The following TTN variants were observed in gnomAD, a reference collection of about 807,000 sequenced individuals.
TTN encodes titin, also known as connectin.
A neutral mutation model predicts 3,223.0 loss-of-function variants in TTN; 1,525 were observed. The ratio of observed to expected loss-of-function variants is 0.47; its 90% CI spans 0.45 to 0.49. TTN has a LOEUF of 0.49. Ranked by LOEUF, TTN falls within the 20% of genes least tolerant of loss-of-function variation. The pLI, the probability that TTN is intolerant of heterozygous loss-of-function variation, is 0.00. For synonymous variants in TTN, 14,094 were observed against 15,161.0 expected (o/e 0.93, Z 5.17); for missense variants, 40,786 against 43,424.0 (o/e 0.94, Z 5.40).
chr2:178,584,831 G>C lies in TTN; in HGVS notation c.64810C>G (p.Arg21604Gly), dbSNP rs767011515. 2 of 1,613,330 alleles carry C rather than the reference G, an allele frequency of 1.2e-6. No individual in the cohort carries two copies. Among genetic ancestry groups the C allele is most frequent in the Non-Finnish European group, 1.7e-6 (2 of 1,179,530 alleles). ...NYIVEKCDVSRGDWVTALASV... is the reference protein window; with the variant it reads ...NYIVEKCDVSGGDWVTALASV... ...GCTAGAGCCGTGACCCAGTCACCTC[G>C]GCTTACATCACACTTCTCCACTATA... The change falls in exon 310 of 363, where the codon CGA (arginine) becomes GGA (glycine). Residue 21604 changes from arginine to glycine, a missense_variant. Physicochemically the swap from Arg to Gly is moderately radical, Grantham distance 125 (BLOSUM62 -2). Transcript: ENST00000589042.
Position 178,565,203 on chromosome 2 carries a change from C to A in TTN, c.80929G>T (p.Val26977Phe). The A allele has an allele frequency of 6.2e-7, 1 of 1,613,542 alleles. No individual in the cohort carries two copies. The highest frequency in any genetic ancestry group is 8.5e-7 in the Non-Finnish European group (1 of 1,179,668). The change falls in exon 326 of 363, where the codon GTT (valine) becomes TTT (phenylalanine). Residue 26977 changes from valine to phenylalanine, a missense_variant. Coordinates refer to ENST00000589042, the MANE Select transcript of TTN (RefSeq NM_001267550.2). ...VIVLEKPGPPVGPVRFDEVSA... is the reference protein window; with the variant it reads ...VIVLEKPGPPFGPVRFDEVSA... ...ACTTCATCAAACCGAACTGGGCCAA[C>A]TGGAGGTCCAGGCTTTTCTAAAACG...
rs767067804 is a variant in TTN, at chr2:178,593,965, A to G, written c.58428T>C (p.Val19476=). ...GSRKGFCQVN[V]VDRPGPPVGP... The stretch of plus-strand genomic sequence containing the variant: ...TTTCCACTAAATAAGACTTACCAAC[A>G]ACATTAACTTGACAGAAACCTTTCC... The change falls in exon 297 of 363, where the codon GTT becomes GTC. Residue 19476 remains valine (V), a synonymous_variant. Coordinates refer to ENST00000589042, the MANE Select transcript of TTN (RefSeq NM_001267550.2). 4 of 1,613,184 alleles carry G rather than the reference A, an allele frequency of 2.5e-6. No individual in the cohort carries two copies. The African/African-American group carries it at 4.0e-5, about 16-fold the overall frequency.
At chr2:178,699,723 A>ATTTT (rs58607203) in intron 111 of TTN, among the ~76,000 whole-genome samples, 2 of 58,150 alleles carry the variant, frequency 3.4e-5, no homozygotes, top group African/African-American at 6.2e-5. Context: ...CTCTTTTTTA[A>ATTTT]TTTTTTTTTT....
In TTN at chr2:178,614,930, G is replaced by A; in HGVS notation, c.48677C>T (p.Ala16226Val). Residue 16226 changes from alanine to valine, a missense_variant, in exon 260 of 363, where the codon GCC (alanine) becomes GTC (valine). Physicochemically the swap from Ala to Val is moderately conservative, Grantham distance 64. Transcript: ENST00000589042. Reference protein sequence around the residue: ...VTGLEEGKWYAYRVKALNRQG... With the variant: ...VTGLEEGKWYVYRVKALNRQG... The stretch of plus-strand genomic sequence containing the variant: ...CCTGTTTAAGGCCTTCACGCGGTAG[G>A]CATACCATTTGCCTTCCTCAAGACC... 6.3e-7 allele frequency: 1 copy of A among 1,594,746 alleles called. No homozygotes were observed. The highest frequency in any genetic ancestry group is 2.3e-5 in the East Asian group (1 of 43,988).
At chr2:178,785,470 G>A (rs772381469) in intron 15 of TTN, 150 bp downstream of exon 15, 14 of 1,162,980 alleles carry the variant, frequency 1.2e-5, no homozygotes, top group Non-Finnish European at 1.6e-5. Context: ...AAATCTTTAG[G>A]GTGTCTGGGC....
rs876658047 is a variant in TTN at position 178,786,012 on chromosome 2, C to T, written c.2206G>A (p.Gly736Arg). The change falls in exon 14 of 363, where the codon GGA becomes AGA. Residue 736 changes from glycine (G) to arginine (R), a missense_variant. By Grantham distance (125) the Gly-to-Arg change is moderately radical. Coordinates refer to ENST00000589042, the MANE Select transcript of TTN (RefSeq NM_001267550.2). Reference sequence around the variant, plus strand: ...GCGGCGGAAATGCGTTCCTTATATCCGTACTCCAAAGTGGTCTGCTGAGCA... The same window carrying T: ...GCGGCGGAAATGCGTTCCTTATATCTGTACTCCAAAGTGGTCTGCTGAGCA... ...SYAQQTTLEY[G>R]YKERISAAKV... is the part of the protein sequence containing the mutation. 1.3e-5 allele frequency: 21 copies of T among 1,613,964 alleles called. No individual in the cohort carries two copies. Among genetic ancestry groups the T allele is most frequent in the Middle Eastern group, 1.6e-4 (1 of 6,084 alleles).
In TTN at chr2:178,609,376, C is replaced by T. The variant is rs749451611; in HGVS notation, c.51934G>A (p.Glu17312Lys). The change falls in exon 273 of 363, where the codon GAA becomes AAA. Residue 17312 changes from glutamate to lysine, a missense_variant. Physicochemically the swap from Glu to Lys is moderately conservative, Grantham distance 56 (BLOSUM62 1). Coordinates refer to ENST00000589042, the MANE Select transcript of TTN (RefSeq NM_001267550.2). Reference sequence around the variant, plus strand: ...TGTGTCAGAGGCAGGACAAATGGTTCTTCTTCTTGAACTTCACCCTTCCTT... The same window carrying T: ...TGTGTCAGAGGCAGGACAAATGGTTTTTCTTCTTGAACTTCACCCTTCCTT... ...RRRKGEVQEE[E>K]PFVLPLTQRL... 5 of 1,612,168 alleles carry T rather than the reference C, an allele frequency of 3.1e-6. No homozygotes were observed. The South Asian group carries it at 4.4e-5, about 14-fold the overall frequency.
intron 15 of TTN, among the ~76,000 whole-genome samples, chr2:178,784,606 GC>G (rs1458113311): frequency 6.6e-5 from 10 of 152,124 alleles, no homozygotes; most frequent in Admixed American, 4.6e-4. Flanking sequence ...TTATTTTACA[GC>G]TTTTATCATA....
chr2:178,650,715 A>G, intron 209 of TTN, 36 bp downstream of exon 209: 1 of 1,530,370 alleles, frequency 6.5e-7, no homozygotes, highest in Non-Finnish European at 8.8e-7. Context: ...AATAGTCGCA[A>G]GTGGCAAGGT....
At position 178,563,192 on chromosome 2, in the gene TTN, C is replaced by T. The variant is rs758578228; in HGVS notation, c.82940G>A (p.Cys27647Tyr). Residue 27647 changes from cysteine (C) to tyrosine (Y), a missense_variant, in exon 326 of 363, where the codon TGT becomes TAT. Coordinates refer to ENST00000589042, the MANE Select transcript of TTN (RefSeq NM_001267550.2). The surrounding 1 kb of genome is among the most constrained non-coding windows in gnomAD (Gnocchi z 4.5). ...KENTEYNFRI[C>Y]AINSEGVGEP... ...ACCTACACCTTCAGAATTGATGGCA[C>T]AAATACGGAAGTTATATTCAGTGTT... 6.2e-7 allele frequency: 1 copy of T among 1,613,736 alleles called. No homozygotes were observed. The highest frequency in any genetic ancestry group is 1.1e-5 in the South Asian group (1 of 91,084).
At position 178,564,210 on chromosome 2, in the gene TTN, C is replaced by G. The variant is rs1704782856; in HGVS notation, c.81922G>C (p.Val27308Leu). 1 of 1,613,564 alleles carries G rather than the reference C, an allele frequency of 6.2e-7. No individual in the cohort carries two copies. The highest frequency in any genetic ancestry group is 1.1e-5 in the South Asian group (1 of 91,086). ...DIRGKPIPDV[V>L]WSKDGKELEE... ...AGTTCTTTTCCATCTTTTGACCAAACAACATCAGGTATAGGTTTGCCACGG... is the reference window on the plus strand; with the variant it reads ...AGTTCTTTTCCATCTTTTGACCAAAGAACATCAGGTATAGGTTTGCCACGG... Residue 27308 changes from valine (V) to leucine (L), a missense_variant, in exon 326 of 363, where the codon GTT (valine) becomes CTT (leucine). Val to Leu is a conservative substitution (Grantham distance 32). Coordinates refer to ENST00000589042, the MANE Select transcript of TTN (RefSeq NM_001267550.2).
In TTN at chr2:178,689,859, C is replaced by A; in HGVS notation, c.31800G>T (p.Lys10600Asn). 3 of 1,613,278 alleles carry A rather than the reference C, an allele frequency of 1.9e-6. No individual in the cohort carries two copies. The highest frequency in any genetic ancestry group is 2.5e-6 in the Non-Finnish European group (3 of 1,179,564). ...EVPKKPVPEE[K>N]IPVPVAKKKE... ...TTTTCTTTGCAACAGGAACGGGAAT[C>A]TTTTCTTCAGGGACAGGTTTCTTTG... Residue 10600 changes from lysine to asparagine, a missense_variant, in exon 122 of 363, where the codon AAG becomes AAT. Transcript: ENST00000589042.
Position 178,611,600 on chromosome 2 carries a change from C to G in TTN, c.50629G>C (p.Glu16877Gln), listed in dbSNP as rs566364225. Residue 16877 changes from glutamate to glutamine, a missense_variant, in exon 269 of 363, where the codon GAG (glutamate) becomes CAG (glutamine). Transcript: ENST00000589042. The stretch of plus-strand genomic sequence containing the variant: ...ATGATAGGACTTCCACCATTTTTCT[C>G]TGGAGGCTTCCAAGCAATGGCAATG... The part of the protein sequence containing the change: ...KHIAIAWKPP[E>Q]KNGGSPIIGY... 2.5e-6 allele frequency: 4 copies of G among 1,613,030 alleles called. No homozygotes were observed. In the South Asian group the frequency reaches 4.4e-5, roughly 18 times the overall value.
chr2:178,789,919 T>C, intron 12 of TTN, 59 bp downstream of exon 12: 1 of 1,602,826 alleles, frequency 6.2e-7, no homozygotes, highest in East Asian at 2.2e-5. Context: ...TTGTAGTTAA[T>C]AGTTTACTAG....
chr2:178,764,836 C>G, intron 41 of TTN, 25 bp from the exon 42 acceptor site: 1 of 1,611,452 alleles, frequency 6.2e-7, no homozygotes, highest in Non-Finnish European at 8.5e-7. Flanking sequence ...TGACAAATAG[C>G]CCATGAAAAA....
At chr2:178,659,436 C>CA (rs2064331228) in intron 180 of TTN, among the ~76,000 whole-genome samples, 181 bp from the exon 181 acceptor site, 1 of 143,126 alleles carries the variant, frequency 7.0e-6, no homozygotes, top group African/African-American at 2.5e-5. Context: ...GAACCAACGA[C>CA]AAAAACCACA....
At chr2:178,752,097 TA>T in intron 47 of TTN, 1 of 1,500,606 alleles carries the variant, frequency 6.7e-7, no homozygotes, top group Non-Finnish European at 9.0e-7. Context: ...AAGTTGAAAG[TA>T]AATAAAATTG....
At chr2:178,647,664 G>T (rs1441765959) in intron 213 of TTN, among the ~76,000 whole-genome samples, 200 bp from the exon 214 acceptor site, 1 of 151,972 alleles carries the variant, frequency 6.6e-6, no homozygotes, top group Non-Finnish European at 1.5e-5. Context: ...CTAGTCCTCT[G>T]TGTACACTTA....
chr2:178,527,360 G>T, intron 362 of TTN, 53 bp from the exon 363 acceptor site: 1 of 1,562,258 alleles, frequency 6.4e-7, no homozygotes. Context: ...AAAAAATAAA[G>T]ATTTGCTTTC....
Sources: gnomAD v4.1 joint callset for allele counts (sites outside exome capture counted in the v4.1 genomes callset) on GRCh38, gnomAD v4.1.1 for gene constraint, Gnocchi (gnomAD v3.1) non-coding constraint, MANE v1.5 for transcripts, NCBI Gene and HGNC (gene_info 2026-07-23, HGNC 2026-07-21) for gene names.